NRG3: variants seen among roughly 807,000 people sequenced by gnomAD.
The protein encoded by NRG3 is neuregulin 3.
A neutral mutation model predicts 66.9 loss-of-function variants in NRG3; 31 were observed. The observed-to-expected ratio is 0.46, with a 90% confidence interval of 0.35 to 0.63. The LOEUF (loss-of-function observed/expected upper bound fraction) is 0.63, where lower values mean the gene tolerates loss of function less well. Ranked by LOEUF, NRG3 falls within the 20% of genes least tolerant of loss-of-function variation. NRG3 has a pLI of 0.00. For missense variants in NRG3, 910 were observed against 878.9 expected, an observed-to-expected ratio of 1.04 and a Z score of -0.45; for synonymous variants, 393 against 359.4, an observed-to-expected ratio of 1.09 and a Z score of -1.06.
At chr10:82,882,811 T>G (rs557116459) in intron 4 of NRG3, among the ~76,000 whole-genome samples, 1 of 152,170 alleles carries the variant, frequency 6.6e-6, no homozygotes, top group South Asian at 2.1e-4. Context: ...TTGTGTTATC[T>G]TCTCAATACT....
At chr10:82,215,359 C>A (rs561624531) in intron 1 of NRG3, among the ~76,000 whole-genome samples, 1 of 152,242 alleles carries the variant, frequency 6.6e-6, no homozygotes, top group East Asian at 1.9e-4. Flanking sequence ...TTTTAATCCA[C>A]TTTTTGCTTT....
chr10:82,900,468 G>T (rs1844109585), intron 4 of NRG3, among the ~76,000 whole-genome samples: 1 of 152,020 alleles, frequency 6.6e-6, no homozygotes, highest in Admixed American at 6.5e-5. Context: ...ATTAATTTCA[G>T]AATGTATGAT....
intron 2 of NRG3, among the ~76,000 whole-genome samples, chr10:82,428,675 T>A (rs1163913599): frequency 6.6e-6 from 1 of 151,998 alleles, no homozygotes; most frequent in African/African-American, 2.4e-5. Context: ...TGGAAAATAA[T>A]GTTTGATGTT....
chr10:82,931,536 A>T (rs1847576987), intron 4 of NRG3, among the ~76,000 whole-genome samples: 2 of 152,176 alleles, frequency 1.3e-5, no homozygotes, highest in African/African-American at 4.8e-5. Flanking sequence ...AATATTCAAT[A>T]GTGGAAATTC....
chr10:82,401,734 G>A (rs1167316199), intron 2 of NRG3, among the ~76,000 whole-genome samples: 1 of 151,996 alleles, frequency 6.6e-6, no homozygotes, highest in African/African-American at 2.4e-5. Flanking sequence ...ATTATTTGAT[G>A]TTCTTATTTC....
chr10:82,373,725 G>T (rs189223418), intron 2 of NRG3, among the ~76,000 whole-genome samples: 2 of 152,162 alleles, frequency 1.3e-5, no homozygotes, highest in East Asian at 3.9e-4. Flanking sequence ...CACAGTTTGG[G>T]GTGTTCTCCT....
chr10:82,263,458 A>G (rs1404903231), intron 1 of NRG3, among the ~76,000 whole-genome samples: 1 of 152,224 alleles, frequency 6.6e-6, no homozygotes, highest in Non-Finnish European at 1.5e-5. Flanking sequence ...CCTTTAGCTA[A>G]TGGTTTTCTC....
intron 3 of NRG3, among the ~76,000 whole-genome samples, chr10:82,855,581 A>G (rs2063762985): frequency 2.0e-5 from 3 of 152,166 alleles, no homozygotes; most frequent in South Asian, 4.2e-4. Flanking sequence ...TATTTTTTGT[A>G]GAAATGGAGT....
intron 1 of NRG3, among the ~76,000 whole-genome samples, chr10:82,342,468 G>A (rs1425621127): frequency 6.6e-6 from 1 of 152,006 alleles, no homozygotes; most frequent in African/African-American, 2.4e-5. Context: ...ATTCTGGCTG[G>A]TGTAAGATGG....
At chr10:82,009,660 G>A (rs1255588824) in intron 1 of NRG3, among the ~76,000 whole-genome samples, 2 of 152,124 alleles carry the variant, frequency 1.3e-5, no homozygotes, top group African/African-American at 2.4e-5. Flanking sequence ...AAAAAGGGAT[G>A]CATGCACTCT....
At chr10:82,432,735 T>C (rs1003885478) in intron 2 of NRG3, among the ~76,000 whole-genome samples, 1 of 152,102 alleles carries the variant, frequency 6.6e-6, no homozygotes, top group African/African-American at 2.4e-5. Flanking sequence ...TGTTCCTGTG[T>C]TAGTTGCTGA....
At chr10:82,439,815 T>G (rs1182688432) in intron 2 of NRG3, among the ~76,000 whole-genome samples, 8 of 152,066 alleles carry the variant, frequency 5.3e-5, no homozygotes, top group Non-Finnish European at 2.9e-5. Flanking sequence ...GTATTTCACT[T>G]TCAATTTTAT....
intron 1 of NRG3, among the ~76,000 whole-genome samples, chr10:82,286,166 A>C (rs2079406669): frequency 6.6e-6 from 1 of 152,180 alleles, no homozygotes. Context: ...GAGTCTAAGA[A>C]ATTGTGCTAA....
At chr10:82,353,885 T>C (rs980601219) in intron 1 of NRG3, among the ~76,000 whole-genome samples, 1 of 152,166 alleles carries the variant, frequency 6.6e-6, no homozygotes, top group African/African-American at 2.4e-5. Context: ...TCTATGCTGC[T>C]GGGCTGATTT....
At chr10:82,265,704 A>C (rs2078261281) in intron 1 of NRG3, among the ~76,000 whole-genome samples, 1 of 152,236 alleles carries the variant, frequency 6.6e-6, no homozygotes, top group Admixed American at 6.5e-5. Context: ...ACCAACAATT[A>C]TGGCAGTAGC....
At chr10:82,084,790 T>C (rs2133447926) in intron 1 of NRG3, among the ~76,000 whole-genome samples, 1 of 152,268 alleles carries the variant, frequency 6.6e-6, no homozygotes, top group South Asian at 2.1e-4. Context: ...GATATGGTTG[T>C]ATCTCTGCAA....
intron 2 of NRG3, among the ~76,000 whole-genome samples, chr10:82,552,485 A>C (rs913879171): frequency 6.6e-6 from 1 of 152,174 alleles, no homozygotes; most frequent in Admixed American, 6.6e-5. Flanking sequence ...ATGTGTATTG[A>C]CTGATAACTT....
intron 1 of NRG3, chr10:81,878,127 C>T (rs1167828027): frequency 6.8e-7 from 1 of 1,475,932 alleles, no homozygotes; most frequent in African/African-American, 1.4e-5. Context: ...TGCTCTCTTC[C>T]TACATTCCGT....
intron 1 of NRG3, among the ~76,000 whole-genome samples, chr10:82,066,379 A>AT (rs2064464341): frequency 6.6e-6 from 1 of 151,514 alleles, no homozygotes. Context: ...GTAAATGTAC[A>AT]CTCTGTCTAT....
Sources: gnomAD v4.1 joint callset for allele counts (sites outside exome capture counted in the v4.1 genomes callset) on GRCh38, gnomAD v4.1.1 for gene constraint, MANE v1.5 for transcripts, NCBI Gene and HGNC (gene_info 2026-07-23, HGNC 2026-07-21) for gene names.